The following NEIL1 variants were observed in gnomAD, a reference collection of about 807,000 sequenced individuals.
NEIL1 encodes the protein nei like DNA glycosylase 1, also known as endonuclease 8-like 1.
A neutral mutation model predicts 44.2 loss-of-function variants in NEIL1; 31 were observed. That is an observed-to-expected ratio of 0.70 (90% CI 0.53 to 0.95). The LOEUF (loss-of-function observed/expected upper bound fraction) is 0.95, where lower values mean the gene tolerates loss of function less well. Among genes scored for constraint, NEIL1 ranks in the 40% least tolerant of loss-of-function variants. The pLI is 0.00. For synonymous variants in NEIL1, 254 were observed against 209.7 expected (o/e 1.21, Z -1.83); for missense variants, 549 against 515.5 (o/e 1.07, Z -0.63).
Position 75,349,001 on chromosome 15 carries a change from C to A in NEIL1, c.96C>A (p.Val32=). Residue 32 remains valine, a synonymous_variant, in exon 2 of 10, where the codon GTC becomes GTA. Coordinates refer to ENST00000355059, the MANE Select transcript of NEIL1 (RefSeq NM_024608.4). ...VFGGCVEKSS[V]SRNPEVPFES... ...GCGGCTGCGTGGAGAAGTCCTCTGT[C>A]AGCCGCAACCCTGAGGTGCCCTTTG... 6.2e-7 allele frequency: 1 copy of A among 1,613,778 alleles called. No individual in the cohort carries two copies. Among genetic ancestry groups the A allele is most frequent in the East Asian group, 2.2e-5 (1 of 44,884 alleles).
chr15:75,353,620 G>T, intron 5 of NEIL1, 119 bp from the exon 6 acceptor site: 1 of 1,059,906 alleles, frequency 9.4e-7, no homozygotes. Flanking sequence ...GGGAGAGTGT[G>T]GCCCCTGACT....
In NEIL1 at chr15:75,356,604, A is replaced by G; in HGVS notation, c.*1570A>G. On this transcript the variant is annotated 3_prime_UTR_variant, in exon 10 of 10. Coordinates refer to ENST00000355059, the MANE Select transcript of NEIL1 (RefSeq NM_024608.4). This position sits in a 1 kb window ranked among gnomAD's most constrained non-coding sequence, Gnocchi z 5.8. Reference sequence around the variant, plus strand: ...GAAGGCCCCACCGTCCCCAGCACTCACCCTTGTGCGGCATCAGTGCATAGG... The same window carrying G: ...GAAGGCCCCACCGTCCCCAGCACTCGCCCTTGTGCGGCATCAGTGCATAGG... 3 of 1,558,414 alleles carry G rather than the reference A, an allele frequency of 1.9e-6. No homozygotes were observed. Among genetic ancestry groups the G allele is most frequent in the Non-Finnish European group, 2.6e-6 (3 of 1,151,560 alleles).
At position 75,354,654 on chromosome 15, in the gene NEIL1, AC is replaced by A. The variant is rs767682168; in HGVS notation, c.939del (p.Asp313GlufsTer100). On this transcript the variant is annotated frameshift_variant and splice_region_variant, in exon 9 of 10. Coordinates refer to ENST00000355059, the MANE Select transcript of NEIL1 (RefSeq NM_024608.4). LOFTEE classifies it high-confidence loss of function. ...GGGACCCGTGTCTCCTCCATCCAGGACGCTTTGCCTCCAAGCAAGGCCCCTT... is the reference window on the plus strand; with the variant it reads ...GGGACCCGTGTCTCCTCCATCCAGGAGCTTTGCCTCCAAGCAAGGCCCCTT... Reference protein sequence around the residue: ...TQLSPEDRVEDALPPSKAPSR... With the variant: ...TQLSPEDRVEXALPPSKAPSR... 9 of 1,613,900 alleles carry A rather than the reference AC, an allele frequency of 5.6e-6. No individual in the cohort carries two copies. The African/African-American group carries it at 8.0e-5, about 14-fold the overall frequency.
Position 75,356,148 on chromosome 15 carries a change from G to A in NEIL1, c.*1114G>A, listed in dbSNP as rs140762875. 8.0e-5 allele frequency: 129 copies of A among 1,613,616 alleles called. No homozygotes were observed. The highest frequency in any genetic ancestry group is 1.1e-4 in the Non-Finnish European group (127 of 1,180,006). On this transcript the variant is annotated 3_prime_UTR_variant, in exon 10 of 10. Transcript: ENST00000355059. The surrounding 1 kb of genome is among the most constrained non-coding windows in gnomAD (Gnocchi z 5.8). Reference sequence around the variant, plus strand: ...GAACCGGCAGCGACAAGTGCAGCCAGCAGTCCACGTGGCTGCCGTGGGCCT... The same window carrying A: ...GAACCGGCAGCGACAAGTGCAGCCAACAGTCCACGTGGCTGCCGTGGGCCT...
intron 1 of NEIL1, chr15:75,348,605 G>A: frequency 9.1e-6 from 12 of 1,318,646 alleles, no homozygotes; most frequent in Non-Finnish European, 1.2e-5. Context: ...GCAAGGATTG[G>A]GACTTTCGTC....
intron 1 of NEIL1, chr15:75,348,020 G>A (rs1319834290): frequency 4.2e-6 from 5 of 1,178,918 alleles, no homozygotes; most frequent in South Asian, 1.4e-5. Context: ...AAGCAGGGAG[G>A]GCGGAGGTGA....
intron 1 of NEIL1, chr15:75,347,948 T>C (rs1274964724): frequency 1.6e-6 from 2 of 1,249,060 alleles, no homozygotes; most frequent in Admixed American, 2.4e-5. Context: ...AAGTGCCCCC[T>C]TCCACTTAAG....
At chr15:75,348,088 C>A in intron 1 of NEIL1, 1 of 979,244 alleles carries the variant, frequency 1.0e-6, no homozygotes, top group Non-Finnish European at 1.3e-6. Context: ...TTCCCTCCCC[C>A]AGGCCCGGGG....
chr15:75,350,971 A>T (rs1346110091), intron 2 of NEIL1, among the ~76,000 whole-genome samples: 2 of 152,124 alleles, frequency 1.3e-5, no homozygotes, highest in South Asian at 2.1e-4. Flanking sequence ...CCGCAAAGAA[A>T]CAAGATGCAC....
rs542693666 is a variant in NEIL1 at position 75,349,298 on chromosome 15, G to C, written c.393G>C (p.Pro131=). The C allele has an allele frequency of 1.5e-5, 24 of 1,610,692 alleles. No individual in the cohort carries two copies. The highest frequency in any genetic ancestry group is 1.7e-4 in the Middle Eastern group (1 of 6,048). Reference sequence around the variant, plus strand: ...GGGACCTTGGGGGAAAGTGGCAGCCGGGCCGCGGGCCCTGTGTCTTGCAGG... The same window carrying C: ...GGGACCTTGGGGGAAAGTGGCAGCCCGGCCGCGGGCCCTGTGTCTTGCAGG... ...GRWDLGGKWQ[P]GRGPCVLQEY... Residue 131 remains proline, a synonymous_variant, in exon 2 of 10, where the codon CCG becomes CCC. Coordinates refer to ENST00000355059, the MANE Select transcript of NEIL1 (RefSeq NM_024608.4).
At chr15:75,348,841 A>G (rs527721958) in intron 1 of NEIL1, 43 bp from the exon 2 acceptor site, 23 of 1,573,102 alleles carry the variant, frequency 1.5e-5, no homozygotes, top group African/African-American at 1.1e-4. Context: ...GCTACCTCAC[A>G]AAGTCCACAC....
intron 2 of NEIL1, among the ~76,000 whole-genome samples, chr15:75,349,982 G>C (rs1382106757): frequency 6.6e-6 from 1 of 152,210 alleles, no homozygotes; most frequent in Admixed American, 6.5e-5. Context: ...AGAAGGTGGA[G>C]GGGCTTTAAT....
In NEIL1 at chr15:75,356,990, C is replaced by T; in HGVS notation, c.*1956C>T. The T allele has an allele frequency of 9.1e-7, 1 of 1,092,898 alleles. No individual in the cohort carries two copies. The highest frequency in any genetic ancestry group is 1.4e-6 in the Non-Finnish European group (1 of 732,202). The allele number at this position is 1,092,898 out of a possible 1,614,324, so 67.7% of individuals were successfully genotyped here. A position where few individuals can be genotyped will look rare whatever the true frequency, so the allele number is the denominator to read the frequency against. The stretch of plus-strand genomic sequence containing the variant: ...AGAGCTCCTGTCACTAGGCCGAGCA[C>T]AAGCTCTAGAACCACACAACTGAAC... On this transcript the variant is annotated 3_prime_UTR_variant, in exon 10 of 10. Coordinates refer to ENST00000355059, the MANE Select transcript of NEIL1 (RefSeq NM_024608.4). The surrounding 1 kb of genome is among the most constrained non-coding windows in gnomAD (Gnocchi z 5.8).
chr15:75,352,419 T>C (rs764447727), intron 4 of NEIL1, 32 bp downstream of exon 4: 11 of 1,611,146 alleles, frequency 6.8e-6, no homozygotes, highest in Non-Finnish European at 9.3e-6. Context: ...GCACACGTGC[T>C]GGCACACTGG....
chr15:75,355,785 A>G lies in NEIL1; in HGVS notation c.*751A>G, dbSNP rs1458775661. 3.9e-6 allele frequency: 4 copies of G among 1,013,426 alleles called. No homozygotes were observed. Among genetic ancestry groups the G allele is most frequent in the Non-Finnish European group, 5.4e-6 (4 of 735,876 alleles). The allele number at this position is 1,013,426 out of a possible 1,614,324, so 62.8% of individuals were successfully genotyped here. ...AGGATGGGCCCTAAGGGGACTGAGC[A>G]GCAGGGTTCCCGATCCAAGGATTTA... On this transcript the variant is annotated 3_prime_UTR_variant, in exon 10 of 10. Transcript: ENST00000355059.
rs1193255684 is a variant in NEIL1 at position 75,356,408 on chromosome 15, G to A, written c.*1374G>A. On this transcript the variant is annotated 3_prime_UTR_variant, in exon 10 of 10. Coordinates refer to ENST00000355059, the MANE Select transcript of NEIL1 (RefSeq NM_024608.4). The surrounding 1 kb of genome is among the most constrained non-coding windows in gnomAD (Gnocchi z 5.8). ...GGCAGAGCCAACAGGGGGAAGTTTA[G>A]GCTGTAGGCAGCTTGGATAACGCCA... 1.2e-6 allele frequency: 2 copies of A among 1,609,822 alleles called. No individual in the cohort carries two copies. The highest frequency in any genetic ancestry group is 2.2e-5 in the East Asian group (1 of 44,776).
At chr15:75,354,096 C>A in intron 6 of NEIL1, 154 bp from the exon 7 acceptor site, 1 of 1,038,690 alleles carries the variant, frequency 9.6e-7, no homozygotes, top group Non-Finnish European at 1.4e-6. Context: ...AGCAGCTTTG[C>A]TGATGTGGAC....
rs764140412 is a variant in NEIL1, at chr15:75,355,014, G to A, written c.1153G>A (p.Glu385Lys). ...GGCTGACATCCCATCCTTGGAACCA[G>A]AGGGGACCTCAGCCTCTTAGCAGGA... ...VKADIPSLEP[E>K]GTSAS The change falls in exon 10 of 10, where the codon GAG becomes AAG. Residue 385 changes from glutamate (E) to lysine (K), a missense_variant. Glu to Lys is a moderately conservative substitution (Grantham distance 56). Transcript: ENST00000355059. 19 of 1,613,936 alleles carry A rather than the reference G, an allele frequency of 1.2e-5. No homozygotes were observed. In the African/African-American group the frequency reaches 2.4e-4, roughly 20 times the overall value.
intron 2 of NEIL1, 82 bp downstream of exon 2, chr15:75,349,421 C>G (rs886655676): frequency 7.5e-7 from 1 of 1,341,414 alleles, no homozygotes; most frequent in East Asian, 2.3e-5. Context: ...CAACAAGGGG[C>G]GAGTCCCTGC....
Sources: gnomAD v4.1 joint callset for allele counts (sites outside exome capture counted in the v4.1 genomes callset) on GRCh38, gnomAD v4.1.1 for gene constraint, Gnocchi (gnomAD v3.1) non-coding constraint, MANE v1.5 for transcripts, NCBI Gene and HGNC (gene_info 2026-07-23, HGNC 2026-07-21) for gene names.